Variants in HTR1F observed in about 807,000 individuals in gnomAD.
HTR1F encodes 5-hydroxytryptamine receptor 1F, also known as 5-hydroxytryptamine (serotonin) receptor 1F, G protein-coupled.
A neutral mutation model predicts 24.0 loss-of-function variants in HTR1F; 17 were observed. The observed-to-expected ratio is 0.71, with a 90% CI of 0.48 to 1.06. The LOEUF (loss-of-function observed/expected upper bound fraction) is 1.06. Ranked by LOEUF, HTR1F falls within the 50% of genes least tolerant of loss-of-function variation. HTR1F has a pLI of 0.00. For synonymous variants in HTR1F, 186 were observed against 156.8 expected (o/e 1.19, Z -1.39); for missense variants, 391 against 427.8 (o/e 0.91, Z 0.76).
intron 2 of HTR1F, among the ~76,000 whole-genome samples, chr3:87,837,611 A>T (rs1704707651): frequency 6.6e-6 from 1 of 152,142 alleles, no homozygotes. Flanking sequence ...AGGAAAACAA[A>T]AAATGTCCTC....
rs111565388 is a variant in HTR1F at position 87,897,421 on chromosome 3, G to A, written c.-43+75297G>A. Among the ~76,000 whole-genome samples the A allele has an allele frequency of 5.5e-4, 83 of 151,844 alleles. 2 individuals carry two copies. Among genetic ancestry groups the A allele is most frequent in the African/African-American group, 1.9e-3 (78 of 41,440 alleles). ...GGTCAAATATACTTCTTCAATAAGC[G>A]GGCCACATATCAGTGCAACCTTGTC... is the stretch of plus-strand genomic sequence containing the variant. On this transcript the variant is annotated intron_variant, in intron 2 of 2. Transcript: ENST00000319595.
chr3:87,917,959 C>T (rs1703932151), intron 2 of HTR1F, among the ~76,000 whole-genome samples: 1 of 151,952 alleles, frequency 6.6e-6, no homozygotes, highest in Admixed American at 6.6e-5. Flanking sequence ...AACGTAGATG[C>T]TAAAATCCTT....
chr3:87,955,325 T>C (rs540165140), intron 2 of HTR1F, among the ~76,000 whole-genome samples: 1 of 151,608 alleles, frequency 6.6e-6, no homozygotes, highest in South Asian at 2.1e-4. Flanking sequence ...GTCTGGCTTC[T>C]TTAACTCAGC....
intron 2 of HTR1F, among the ~76,000 whole-genome samples, chr3:87,983,660 A>G (rs1184340491): frequency 6.6e-6 from 1 of 151,850 alleles, no homozygotes. Flanking sequence ...ACCCAACAAC[A>G]TTTTCCCTTG....
intron 2 of HTR1F, among the ~76,000 whole-genome samples, chr3:87,869,412 G>C (rs990353): frequency 2.1e-4 from 23 of 110,596 alleles, no homozygotes; most frequent in African/African-American, 7.0e-4. Context: ...TAGATAGATA[G>C]ATAGATAGAT....
chr3:87,990,837 C>G lies in HTR1F; in HGVS notation c.88C>G (p.Leu30Val). Residue 30 changes from leucine (L) to valine (V), a missense_variant, in exon 3 of 3, where the codon CTG becomes GTG. Leu to Val is a conservative substitution (Grantham distance 32). Coordinates refer to ENST00000319595, the MANE Select transcript of HTR1F (RefSeq NM_001322209.2). The part of the protein sequence containing the change: ...MPSKILVSLT[L>V]SGLALMTTTI... ...ATCCAAAATTCTGGTGTCCCTCACT[C>G]TGTCTGGGCTGGCACTGATGACAAC... 6.2e-7 allele frequency: 1 copy of G among 1,614,154 alleles called. No homozygotes were observed. Among genetic ancestry groups the G allele is most frequent in the Non-Finnish European group, 8.5e-7 (1 of 1,179,968 alleles).
chr3:87,961,241 T>C (rs1705054054), intron 2 of HTR1F, among the ~76,000 whole-genome samples: 1 of 151,956 alleles, frequency 6.6e-6, no homozygotes, highest in African/African-American at 2.4e-5. Flanking sequence ...AGAGCATAGA[T>C]TGAGAATACT....
intron 2 of HTR1F, among the ~76,000 whole-genome samples, chr3:87,950,731 T>C (rs1704815576): frequency 6.6e-6 from 1 of 152,180 alleles, no homozygotes; most frequent in Non-Finnish European, 1.5e-5. Flanking sequence ...AAAATGTATA[T>C]ATGCTGCTTA....
intron 2 of HTR1F, among the ~76,000 whole-genome samples, chr3:87,905,476 C>T (rs1239685401): frequency 6.6e-6 from 1 of 151,990 alleles, no homozygotes; most frequent in African/African-American, 2.4e-5. Flanking sequence ...TCTTTTTCCT[C>T]ATGAGTATAT....
rs569710146 is a variant in HTR1F at position 87,889,022 on chromosome 3, C to T, written c.-43+66898C>T. Reference sequence around the variant, plus strand: ...CCTTCACGAATAGATTAATGCTCTTCCTGGTGGGGAAGACAGTGAATTCTT... The same window carrying T: ...CCTTCACGAATAGATTAATGCTCTTTCTGGTGGGGAAGACAGTGAATTCTT... On this transcript the variant is annotated intron_variant, in intron 2 of 2. Transcript: ENST00000319595. Among the ~76,000 whole-genome samples the T allele has an allele frequency of 1.6e-4, 25 of 152,176 alleles. No individual in the cohort carries two copies. The East Asian group carries it at 4.8e-3, about 29-fold the overall frequency.
rs112707537 is a variant in HTR1F, at chr3:87,855,176, A to G, written c.-43+33052A>G. ...TTAGCATCAACTTGTCAGCCTTCCA[A>G]AGCATCTGGAGGCAGCTCTCTGCTC... On this transcript the variant is annotated intron_variant, in intron 2 of 2. Coordinates refer to ENST00000319595, the MANE Select transcript of HTR1F (RefSeq NM_001322209.2). Among the ~76,000 whole-genome samples the G allele has an allele frequency of 6.8e-3, 1,032 of 152,120 alleles. 19 individuals are homozygous for G. The highest frequency in any genetic ancestry group is 0.024 in the African/African-American group (987 of 41,534).
intron 2 of HTR1F, among the ~76,000 whole-genome samples, chr3:87,985,167 C>T (rs1236939967): frequency 6.6e-6 from 1 of 152,062 alleles, no homozygotes; most frequent in South Asian, 2.1e-4. Flanking sequence ...GAAACCCCCT[C>T]TCTACTAAAA....
intron 2 of HTR1F, among the ~76,000 whole-genome samples, chr3:87,848,594 T>A (rs564133014): frequency 3.2e-4 from 48 of 151,898 alleles, no homozygotes; most frequent in African/African-American, 1.1e-3. Context: ...ATGTTTAGAA[T>A]TACAAAAACA....
At chr3:87,962,741 C>G (rs1286206423) in intron 2 of HTR1F, among the ~76,000 whole-genome samples, 1 of 151,932 alleles carries the variant, frequency 6.6e-6, no homozygotes, top group Non-Finnish European at 1.5e-5. Context: ...AAGTATCTAA[C>G]TAATGGGAAA....
At chr3:87,829,553 G>T (rs1203213350) in intron 2 of HTR1F, among the ~76,000 whole-genome samples, 1 of 152,110 alleles carries the variant, frequency 6.6e-6, no homozygotes, top group Non-Finnish European at 1.5e-5. Flanking sequence ...CCTTCCTTAG[G>T]GATCTCTCTG....
intron 2 of HTR1F, among the ~76,000 whole-genome samples, chr3:87,877,216 T>C (rs1004104117): frequency 1.6e-4 from 25 of 152,102 alleles, no homozygotes; most frequent in South Asian, 6.2e-4. Context: ...ATATTACCTC[T>C]CCAAGCCAGT....
intron 2 of HTR1F, among the ~76,000 whole-genome samples, chr3:87,920,671 T>C (rs1339393805): frequency 6.6e-6 from 1 of 151,864 alleles, no homozygotes; most frequent in African/African-American, 2.4e-5. Flanking sequence ...GGGAGCTAAA[T>C]GATTGCACAC....
At chr3:87,845,955 A>C (rs1200600890) in intron 2 of HTR1F, among the ~76,000 whole-genome samples, 2 of 151,984 alleles carry the variant, frequency 1.3e-5, no homozygotes. Flanking sequence ...AAATCCTAGT[A>C]CTTAGCACAC....
intron 2 of HTR1F, among the ~76,000 whole-genome samples, chr3:87,855,038 TC>T (rs1397006697): frequency 6.6e-6 from 1 of 151,992 alleles, no homozygotes; most frequent in Non-Finnish European, 1.5e-5. Flanking sequence ...ATTGTTATCT[TC>T]CCCCCACTTA....
Sources: allele counts gnomAD v4.1 joint callset (sites outside exome capture counted in the v4.1 genomes callset), GRCh38; gene constraint gnomAD v4.1.1; transcripts MANE v1.5; gene names NCBI Gene and HGNC (gene_info 2026-07-23, HGNC 2026-07-21).